The following MVB12B variants were observed in gnomAD, a reference collection of about 807,000 sequenced individuals.
MVB12B encodes multivesicular body subunit 12B, also known as ESCRT-I complex subunit MVB12B.
Under a neutral mutation model 41.6 loss-of-function variants are expected in MVB12B, and 16 were observed. That is an observed-to-expected ratio of 0.38 (90% CI 0.26 to 0.58). The LOEUF is 0.58. Ranked by LOEUF, MVB12B falls within the 20% of genes least tolerant of loss-of-function variation. MVB12B has a pLI of 0.62. For synonymous variants in MVB12B, 133 were observed against 139.7 expected, an observed-to-expected ratio of 0.95 and a Z score of 0.34; for missense variants, 274 against 380.2, an observed-to-expected ratio of 0.72 and a Z score of 2.32.
At chr9:126,394,818 C>T (rs905425076) in intron 5 of MVB12B, among the ~76,000 whole-genome samples, 5 of 152,196 alleles carry the variant, frequency 3.3e-5, no homozygotes, top group African/African-American at 1.2e-4. Context: ...TTATATTCCT[C>T]TACATCAGGT....
rs141119820 is a variant in MVB12B at position 126,398,933 on chromosome 9, G to C, written c.662+3236G>C. 4.1e-3 allele frequency among the ~76,000 whole-genome samples: 626 copies of C among 152,354 alleles called. 2 individuals carry two copies. The highest frequency in any genetic ancestry group is 8.2e-3 in the Admixed American group (125 of 15,306). ...CATTCCCAGCTTTACTTCAGACAAAGGTGGATCTTTGCACCGTCTGTAGGC... is the reference window on the plus strand; with the variant it reads ...CATTCCCAGCTTTACTTCAGACAAACGTGGATCTTTGCACCGTCTGTAGGC... On this transcript the variant is annotated intron_variant, in intron 6 of 9. Coordinates refer to ENST00000361171, the MANE Select transcript of MVB12B (RefSeq NM_033446.3).
rs1375964429 is a variant in MVB12B, at chr9:126,459,321, G to A, written c.758-22048G>A. On this transcript the variant is annotated intron_variant, in intron 7 of 9. Transcript: ENST00000361171. This position sits in a 1 kb window ranked among gnomAD's most constrained non-coding sequence, Gnocchi z 4.3. ...CTCTGAGTCATAAAACAGGCCAATT[G>A]TGTTTTTCTTAGGGGACTGTGACCC... Among the ~76,000 whole-genome samples the A allele has an allele frequency of 1.3e-5, 2 of 152,182 alleles. No individual in the cohort carries two copies. The highest frequency in any genetic ancestry group is 1.3e-4 in the Admixed American group (2 of 15,288).
intron 2 of MVB12B, among the ~76,000 whole-genome samples, chr9:126,365,413 A>G (rs1830149350): frequency 1.3e-5 from 2 of 148,928 alleles, no homozygotes; most frequent in Admixed American, 6.7e-5. Context: ...GCTCACTGCA[A>G]CCTTCGTCTC....
intron 6 of MVB12B, chr9:126,397,485 G>A (rs1013937752): frequency 1.3e-5 from 13 of 985,300 alleles, no homozygotes; most frequent in East Asian, 1.1e-4. Context: ...CAAGGAAATC[G>A]GATCAGTTTT....
intron 1 of MVB12B, 75 bp downstream of exon 1, chr9:126,327,085 G>T: frequency 5.3e-6 from 1 of 190,474 alleles, no homozygotes; most frequent in South Asian, 1.6e-4. Flanking sequence ...GGGCGGGCGC[G>T]GGCCCCCGGC....
intron 7 of MVB12B, among the ~76,000 whole-genome samples, chr9:126,438,235 C>A (rs766425972): frequency 2.2e-4 from 33 of 152,238 alleles, no homozygotes; most frequent in Non-Finnish European, 3.4e-4. Context: ...TAATGACCAG[C>A]GTGTTTAAAT....
intron 7 of MVB12B, among the ~76,000 whole-genome samples, chr9:126,451,985 C>G (rs1302236514): frequency 6.6e-6 from 1 of 152,188 alleles, no homozygotes; most frequent in Admixed American, 6.5e-5. Context: ...CCCACTGTTT[C>G]ATTCCTTAGC....
intron 2 of MVB12B, among the ~76,000 whole-genome samples, chr9:126,370,247 C>T (rs932186788): frequency 1.3e-5 from 2 of 152,076 alleles, no homozygotes; most frequent in Admixed American, 6.6e-5. Flanking sequence ...TCTGAAGTGG[C>T]GTGCAGGTTC....
rs1259251855 is a variant in MVB12B at position 126,445,476 on chromosome 9, G to A, written c.757+23528G>A. 5.3e-5 allele frequency among the ~76,000 whole-genome samples: 8 copies of A among 151,968 alleles called. No individual in the cohort carries two copies. In the South Asian group the frequency reaches 6.2e-4, roughly 12 times the overall value. ...CCACCGCCACACCTGGCTAATTTTT[G>A]TATTTTTAGTAGAGACAGGGTTTCA... is the stretch of plus-strand genomic sequence containing the variant. On this transcript the variant is annotated intron_variant, in intron 7 of 9. Coordinates refer to ENST00000361171, the MANE Select transcript of MVB12B (RefSeq NM_033446.3).
chr9:126,335,473 C>A, intron 1 of MVB12B: 1 of 1,165,096 alleles, frequency 8.6e-7, no homozygotes, highest in Non-Finnish European at 1.2e-6. Context: ...ATTGGTGAGG[C>A]CTGGCCACAG....
At chr9:126,453,663 C>A (rs996731565) in intron 7 of MVB12B, among the ~76,000 whole-genome samples, 2 of 152,240 alleles carry the variant, frequency 1.3e-5, no homozygotes, top group African/African-American at 2.4e-5. Flanking sequence ...ATAACTCGTA[C>A]ATGGACACAA....
rs545057376 is a variant in MVB12B, at chr9:126,462,059, C to T, written c.758-19310C>T. ...ACAGGATCGTTTTAAAATTAAATGA[C>T]GATAAAAACGCTCTGCTGTTCTGTG... On this transcript the variant is annotated intron_variant, in intron 7 of 9. Coordinates refer to ENST00000361171, the MANE Select transcript of MVB12B (RefSeq NM_033446.3). 7.2e-5 allele frequency among the ~76,000 whole-genome samples: 11 copies of T among 152,292 alleles called. No individual in the cohort carries two copies. The South Asian group carries it at 1.2e-3, about 17-fold the overall frequency.
At chr9:126,337,853 G>C (rs1201421461) in intron 1 of MVB12B, among the ~76,000 whole-genome samples, 1 of 152,218 alleles carries the variant, frequency 6.6e-6, no homozygotes, top group Non-Finnish European at 1.5e-5. Context: ...TGGCCTCCTC[G>C]AGTCCTTAGC....
At chr9:126,327,132 G>A in intron 1 of MVB12B, 122 bp downstream of exon 1, 1 of 443,600 alleles carries the variant, frequency 2.3e-6, no homozygotes, top group Non-Finnish European at 3.0e-6. Flanking sequence ...GGGCCGCGCC[G>A]AGGCCTGCGG....
At chr9:126,343,124 TA>T (rs1829493939) in intron 2 of MVB12B, among the ~76,000 whole-genome samples, 1 of 152,198 alleles carries the variant, frequency 6.6e-6, no homozygotes, top group African/African-American at 2.4e-5. Context: ...TTTAATTCAA[TA>T]ACTTCCCTTC....
intron 7 of MVB12B, among the ~76,000 whole-genome samples, chr9:126,437,976 T>C (rs1832531997): frequency 6.6e-6 from 1 of 152,236 alleles, no homozygotes; most frequent in African/African-American, 2.4e-5. Flanking sequence ...GTTATTCTAA[T>C]GTAGCATTTT....
intron 9 of MVB12B, among the ~76,000 whole-genome samples, chr9:126,491,253 G>A (rs184668781): frequency 4.2e-4 from 64 of 152,342 alleles, no homozygotes; most frequent in Admixed American, 3.6e-3. Flanking sequence ...TCAAATATAC[G>A]AGGTTAGCGT....
rs997372820 is a variant in MVB12B, at chr9:126,459,292, G to T, written c.758-22077G>T. Among the ~76,000 whole-genome samples the T allele has an allele frequency of 6.6e-6, 1 of 152,210 alleles. No homozygotes were observed. Among genetic ancestry groups the T allele is most frequent in the African/African-American group, 2.4e-5 (1 of 41,456 alleles). The stretch of plus-strand genomic sequence containing the variant: ...CCCTTGACTGACACATGGCTCCCTT[G>T]CCTCTCTGAGTCATAAAACAGGCCA... On this transcript the variant is annotated intron_variant, in intron 7 of 9. Coordinates refer to ENST00000361171, the MANE Select transcript of MVB12B (RefSeq NM_033446.3). This position sits in a 1 kb window ranked among gnomAD's most constrained non-coding sequence, Gnocchi z 4.3.
At chr9:126,418,365 T>G (rs1008598395) in intron 6 of MVB12B, among the ~76,000 whole-genome samples, 4 of 152,168 alleles carry the variant, frequency 2.6e-5, no homozygotes, top group African/African-American at 9.7e-5. Flanking sequence ...TTTTTGTGGT[T>G]GTTATTGCTC....
Sources: gnomAD v4.1 joint callset for allele counts (sites outside exome capture counted in the v4.1 genomes callset) on GRCh38, gnomAD v4.1.1 for gene constraint, Gnocchi (gnomAD v3.1) non-coding constraint, MANE v1.5 for transcripts, NCBI Gene and HGNC (gene_info 2026-07-23, HGNC 2026-07-21) for gene names.